The following STK3 variants were observed in gnomAD, a reference collection of about 807,000 sequenced individuals.
The protein encoded by STK3 is serine/threonine kinase 3, also known as serine/threonine-protein kinase 3.
In STK3, 41 loss-of-function variants were observed where a neutral mutation model predicts 58.0. The observed-to-expected ratio is 0.71, with a 90% CI of 0.55 to 0.92. The LOEUF is 0.92. Among genes scored for constraint, STK3 ranks in the 40% least tolerant of loss-of-function variants. The probability of loss-of-function intolerance (pLI) is 0.00; values close to 1 mark genes in which losing one functional copy is unlikely to be tolerated. For synonymous variants in STK3, 170 were observed against 191.0 expected, an observed-to-expected ratio of 0.89 and a Z score of 0.91; for missense variants, 479 against 602.7, an observed-to-expected ratio of 0.79 and a Z score of 2.15.
At chr8:98,832,947 C>G (rs905689655) in intron 3 of STK3, among the ~76,000 whole-genome samples, 1 of 152,176 alleles carries the variant, frequency 6.6e-6, no homozygotes, top group Non-Finnish European at 1.5e-5. Flanking sequence ...CCTCTGCAGA[C>G]TTCCCTACAT....
intron 6 of STK3, among the ~76,000 whole-genome samples, chr8:98,628,135 A>G (rs1156256362): frequency 6.6e-6 from 1 of 152,206 alleles, no homozygotes. Flanking sequence ...ACTCTACATA[A>G]AACTAAAGAT....
intron 2 of STK3, among the ~76,000 whole-genome samples, chr8:98,376,597 G>A (rs1563587383): frequency 1.3e-5 from 2 of 152,192 alleles, no homozygotes. Context: ...CTTAAGGGCT[G>A]ATGTTTAGAT....
intron 10 of STK3, among the ~76,000 whole-genome samples, chr8:98,478,879 C>T (rs770470221): frequency 6.6e-6 from 1 of 152,178 alleles, no homozygotes; most frequent in Non-Finnish European, 1.5e-5. Flanking sequence ...TCTATCTGCT[C>T]TTATACACTA....
At chr8:98,719,050 C>T (rs1587411704) in intron 4 of STK3, among the ~76,000 whole-genome samples, 1 of 152,148 alleles carries the variant, frequency 6.6e-6, no homozygotes, top group East Asian at 1.9e-4. Flanking sequence ...GAGACACCTT[C>T]ATCTGATGTT....
intron 3 of STK3, among the ~76,000 whole-genome samples, chr8:98,407,789 TG>T (rs1563594619): frequency 6.6e-6 from 1 of 151,486 alleles, no homozygotes; most frequent in African/African-American, 2.4e-5. Flanking sequence ...GTATGACTAC[TG>T]GCCCCTTAGC....
intron 4 of STK3, among the ~76,000 whole-genome samples, chr8:98,736,655 C>T (rs755787598): frequency 6.6e-6 from 1 of 152,066 alleles, no homozygotes; most frequent in Non-Finnish European, 1.5e-5. Flanking sequence ...CGCTTTACCC[C>T]TAATAAGATT....
intron 3 of STK3, among the ~76,000 whole-genome samples, chr8:98,864,439 C>A (rs542427722): frequency 1.9e-4 from 29 of 152,288 alleles, no homozygotes; most frequent in Admixed American, 1.8e-3. Flanking sequence ...TTGCTATCTT[C>A]TGGATCTTTC....
chr8:98,717,085 G>C (rs1827077111), intron 4 of STK3, among the ~76,000 whole-genome samples: 1 of 149,202 alleles, frequency 6.7e-6, no homozygotes, highest in East Asian at 1.9e-4. Flanking sequence ...AAATAAAACA[G>C]GGCAAAAACC....
intron 1 of STK3, among the ~76,000 whole-genome samples, chr8:98,778,323 C>A (rs2131511095): frequency 6.6e-6 from 1 of 152,294 alleles, no homozygotes; most frequent in African/African-American, 2.4e-5. Context: ...ATCAAAACCA[C>A]AATGAGATAC....
chr8:98,422,375 T>A (rs1374197886), intron 3 of STK3, among the ~76,000 whole-genome samples: 3 of 151,950 alleles, frequency 2.0e-5, no homozygotes, highest in African/African-American at 7.3e-5. Flanking sequence ...AGGGTCTCGC[T>A]CTCCTGCCTC....
rs572360882 is a variant in STK3, at chr8:98,773,436, G to A, written c.107+1303C>T. Reference sequence around the variant, plus strand: ...ACTATTACTTTCTGTTTTTTTATTTGTATGTTTATCTATAATATTTTTATA... The same window carrying A: ...ACTATTACTTTCTGTTTTTTTATTTATATGTTTATCTATAATATTTTTATA... On this transcript the variant is annotated intron_variant, in intron 2 of 10. Coordinates refer to ENST00000419617, the MANE Select transcript of STK3 (RefSeq NM_006281.4). Among the ~76,000 whole-genome samples, 7 of 151,622 alleles carry A rather than the reference G, an allele frequency of 4.6e-5. No homozygotes were observed. In the South Asian group the frequency reaches 1.5e-3, roughly 32 times the overall value.
At chr8:98,365,978 G>A in the STK3 span, among the ~76,000 whole-genome samples, 8 of 151,944 alleles carry the variant, frequency 5.3e-5, no homozygotes, top group African/African-American at 1.9e-4. Flanking sequence ...TCTATAAGCA[G>A]TATTTATAAA....
chr8:98,754,433 A>G (rs1384976498), intron 3 of STK3, among the ~76,000 whole-genome samples: 1 of 151,982 alleles, frequency 6.6e-6, no homozygotes. Context: ...TGACTCTGAC[A>G]TAGACCCAGA....
At chr8:98,527,817 T>C (rs1825863552) in intron 9 of STK3, among the ~76,000 whole-genome samples, 1 of 152,208 alleles carries the variant, frequency 6.6e-6, no homozygotes, top group African/African-American at 2.4e-5. Flanking sequence ...GCCCAGACTT[T>C]GCGCCTAAGT....
intron 7 of STK3, among the ~76,000 whole-genome samples, chr8:98,583,117 C>CT (rs533010215): frequency 3.1e-4 from 46 of 148,364 alleles, no homozygotes; most frequent in African/African-American, 6.2e-4. Flanking sequence ...CTGTTTTTAA[C>CT]TTTTTTTTTT....
chr8:98,415,709 G>A (rs1818107581), intron 3 of STK3, among the ~76,000 whole-genome samples: 1 of 152,212 alleles, frequency 6.6e-6, no homozygotes, highest in Non-Finnish European at 1.5e-5. Flanking sequence ...GGTTAAACAT[G>A]TTCTCCAACA....
chr8:98,360,128 TCG>T, the STK3 span, among the ~76,000 whole-genome samples: 1 of 152,244 alleles, frequency 6.6e-6, no homozygotes, highest in Non-Finnish European at 1.5e-5. Context: ...TTACTTACCT[TCG>T]GGGTCTTTGC....
In STK3 at chr8:98,712,759, G is replaced by C. The variant is rs562079798; in HGVS notation, c.352-5448C>G. On this transcript the variant is annotated intron_variant, in intron 4 of 10. Coordinates refer to ENST00000419617, the MANE Select transcript of STK3 (RefSeq NM_006281.4). ...AAGTTAACAAGGATATCCAGGAATTGAACTCAGCTGTGCACCAAGCGGACC... is the reference window on the plus strand; with the variant it reads ...AAGTTAACAAGGATATCCAGGAATTCAACTCAGCTGTGCACCAAGCGGACC... Among the ~76,000 whole-genome samples, 48 of 152,256 alleles carry C rather than the reference G, an allele frequency of 3.2e-4. No individual in the cohort carries two copies. The East Asian group carries it at 8.9e-3, about 28-fold the overall frequency.
At chr8:98,628,305 G>C (rs543712839) in intron 6 of STK3, among the ~76,000 whole-genome samples, 1 of 152,124 alleles carries the variant, frequency 6.6e-6, no homozygotes, top group South Asian at 2.1e-4. Context: ...CCAACCACTT[G>C]GTCTGGCTAC....
Sources: gnomAD v4.1 joint callset for allele counts (sites outside exome capture counted in the v4.1 genomes callset) on GRCh38, gnomAD v4.1.1 for gene constraint, MANE v1.5 for transcripts, NCBI Gene and HGNC (gene_info 2026-07-23, HGNC 2026-07-21) for gene names.